The following AMER1 variants were observed in gnomAD, a reference collection of about 807,000 sequenced individuals.
AMER1 encodes APC membrane recruitment protein 1, also known as RP11-403E24.2.
A neutral mutation model predicts 53.0 loss-of-function variants in AMER1; 16 were observed. That is an observed-to-expected ratio of 0.30 (90% CI 0.20 to 0.46). The LOEUF (loss-of-function observed/expected upper bound fraction) is 0.46, where lower values mean the gene tolerates loss of function less well. Ranked by LOEUF, AMER1 falls within the 20% of genes least tolerant of loss-of-function variation. The pLI, the probability that AMER1 is intolerant of heterozygous loss-of-function variation, is 1.00. For synonymous variants in AMER1, 354 were observed against 331.9 expected, an observed-to-expected ratio of 1.07 and a Z score of -0.73; for missense variants, 947 against 884.9, an observed-to-expected ratio of 1.07 and a Z score of -0.89.
chrX:64,186,736 T>C lies in AMER1; in HGVS notation c.*3143A>G. On this transcript the variant is annotated 3_prime_UTR_variant, in exon 2 of 2. Coordinates refer to ENST00000374869, the MANE Select transcript of AMER1 (RefSeq NM_152424.4). Reference sequence around the variant, plus strand: ...GCCTGGTACCCAAGCTGAGGCCAGATAGGTAGGGCTGGCTTGAACTGGGCC... The same window carrying C: ...GCCTGGTACCCAAGCTGAGGCCAGACAGGTAGGGCTGGCTTGAACTGGGCC... 1.3e-6 allele frequency: 1 copy of C among 775,602 alleles called. No individual in the cohort carries two copies. Among genetic ancestry groups the C allele is most frequent in the Non-Finnish European group, 1.5e-6 (1 of 651,691 alleles). The allele number at this position is 775,602 out of a possible 1,213,427, so 63.9% of individuals were successfully genotyped here.
intron 1 of AMER1, 52 bp from the exon 2 acceptor site, chrX:64,193,436 C>T (rs751174846): frequency 3.7e-5 from 33 of 889,817 alleles, no homozygotes; most frequent in Non-Finnish European, 5.0e-5. Context: ...AGTGAGCAAG[C>T]ATCCAGGCTG....
At chrX:64,200,765 G>A (rs1305233170) in intron 1 of AMER1, among the ~76,000 whole-genome samples, 1 of 111,714 alleles carries the variant, frequency 9.0e-6, no homozygotes, top group East Asian at 2.8e-4. Context: ...CAGGACAAAG[G>A]TGCACTGTGG....
At chrX:64,196,256 C>A (rs1040272973) in intron 1 of AMER1, among the ~76,000 whole-genome samples, 13 of 111,840 alleles carry the variant, frequency 1.2e-4, no homozygotes, top group African/African-American at 4.2e-4. Context: ...CCAAGGGACC[C>A]TGAATGGGCC....
At position 64,190,112 on chromosome X, in the gene AMER1, TG is replaced by T. The variant is rs1425853386; in HGVS notation, c.3174del (p.Ser1059ValfsTer71). On this transcript the variant is annotated frameshift_variant, in exon 2 of 2. Coordinates refer to ENST00000374869, the MANE Select transcript of AMER1 (RefSeq NM_152424.4). LOFTEE classifies it high-confidence loss of function. ...AAGCCTCCAGAACTGGAAGAGCAACTGGGCTCATCAACAGGCAGCAGCACAT... is the reference window on the plus strand; with the variant it reads ...AAGCCTCCAGAACTGGAAGAGCAACTGGCTCATCAACAGGCAGCAGCACAT... Reference protein sequence around the residue: ...PRDVLLPVDEPSCSSSSGGFS... With the variant: ...PRDVLLPVDEXSCSSSSGGFS... The T allele has an allele frequency of 8.3e-7, 1 of 1,207,102 alleles. No homozygotes were observed. Among genetic ancestry groups the T allele is most frequent in the Admixed American group, 2.2e-5 (1 of 45,595 alleles).
rs147754688 is a variant in AMER1, at chrX:64,191,350, C to G, written c.1937G>C (p.Arg646Pro). 1.7e-5 allele frequency: 21 copies of G among 1,209,973 alleles called. No individual in the cohort carries two copies. In the African/African-American group the frequency reaches 3.5e-4, roughly 20 times the overall value. Residue 646 changes from arginine to proline, a missense_variant, in exon 2 of 2, where the codon CGG (arginine) becomes CCG (proline). Arg to Pro is a moderately radical substitution (Grantham distance 103, BLOSUM62 -2). Coordinates refer to ENST00000374869, the MANE Select transcript of AMER1 (RefSeq NM_152424.4). ...RETQVRETQA[R>P]QEKPVLEYQM... Reference sequence around the variant, plus strand: ...ATACTCTAAGACGGGCTTCTCCTGCCGGGCCTGGGTCTCTCGGACTTGAGT... The same window carrying G: ...ATACTCTAAGACGGGCTTCTCCTGCGGGGCCTGGGTCTCTCGGACTTGAGT...
In AMER1 at chrX:64,201,448, AACAC is replaced by A. The variant is rs532857666; in HGVS notation, c.-99+4118_-99+4121del. Among the ~76,000 whole-genome samples the A allele has an allele frequency of 8.3e-3, 690 of 83,026 alleles. 7 individuals carry two copies. The highest frequency in any genetic ancestry group is 0.05 in the South Asian group (83 of 1,671). The allele number at this position is 83,026 out of a possible 115,157, so 72.1% of individuals were successfully genotyped here. A position where few individuals can be genotyped will look rare whatever the true frequency, so the allele number is the denominator to read the frequency against. On this transcript the variant is annotated intron_variant, in intron 1 of 1. Coordinates refer to ENST00000374869, the MANE Select transcript of AMER1 (RefSeq NM_152424.4). ...CCAGCTGCTCGCAACTCCTTCCCCC[AACAC>A]ACACACACACACACACACACACACA...
Position 64,189,356 on chromosome X carries a change from C to T in AMER1, c.*523G>A. 9 of 785,484 alleles carry T rather than the reference C, an allele frequency of 1.1e-5. No homozygotes were observed. Among genetic ancestry groups the T allele is most frequent in the Non-Finnish European group, 1.4e-5 (9 of 658,950 alleles). The allele number at this position is 785,484 out of a possible 1,213,427, so 64.7% of individuals were successfully genotyped here. On this transcript the variant is annotated 3_prime_UTR_variant, in exon 2 of 2. Coordinates refer to ENST00000374869, the MANE Select transcript of AMER1 (RefSeq NM_152424.4). ...TTCCCCAAGCGGGAGGCAATGCAGA[C>T]TTGGCTGCTAATCAGTGGTTCATCA...
Position 64,186,309 on chromosome X carries a change from T to C in AMER1, c.*3570A>G, listed in dbSNP as rs150866940. 9.3e-3 allele frequency: 9,676 copies of C among 1,044,177 alleles called. 35 individuals are homozygous for C. The highest frequency in any genetic ancestry group is 0.011 in the Non-Finnish European group (8,606 of 810,318). 86.1% of individuals were successfully genotyped at this position (1,044,177 alleles called of 1,213,427 possible). On this transcript the variant is annotated 3_prime_UTR_variant, in exon 2 of 2. Coordinates refer to ENST00000374869, the MANE Select transcript of AMER1 (RefSeq NM_152424.4). Reference sequence around the variant, plus strand: ...GCAGCAGCAATTTTTGTGTCATCTTTGTTTTGTTTAAAACTGTAAACAGCA... The same window carrying C: ...GCAGCAGCAATTTTTGTGTCATCTTCGTTTTGTTTAAAACTGTAAACAGCA...
chrX:64,186,580 AGCTGCTG>A lies in AMER1; in HGVS notation c.*3292_*3298del, dbSNP rs750326895. The A allele has an allele frequency of 7.6e-3, 5,870 of 774,848 alleles. 26 individuals are homozygous for A. The highest frequency in any genetic ancestry group is 8.1e-3 in the Non-Finnish European group (5,259 of 652,394). 63.9% of individuals were successfully genotyped at this position (774,848 alleles called of 1,213,427 possible). On this transcript the variant is annotated 3_prime_UTR_variant, in exon 2 of 2. Coordinates refer to ENST00000374869, the MANE Select transcript of AMER1 (RefSeq NM_152424.4). ...TGGTGGCACTGGCACAGGTAAGGAA[AGCTGCTG>A]GCAGCAGGATGAAGGGTACACACCC...
In AMER1 at chrX:64,188,014, A is replaced by T; in HGVS notation, c.*1865T>A. Reference sequence around the variant, plus strand: ...GCAGCTTCTACCAGCCAGGTCTGCTATTTGTGAGTAAGGGCACTGGGCCAA... The same window carrying T: ...GCAGCTTCTACCAGCCAGGTCTGCTTTTTGTGAGTAAGGGCACTGGGCCAA... On this transcript the variant is annotated 3_prime_UTR_variant, in exon 2 of 2. Coordinates refer to ENST00000374869, the MANE Select transcript of AMER1 (RefSeq NM_152424.4). The T allele has an allele frequency of 1.3e-6, 1 of 781,401 alleles. No homozygotes were observed. Among genetic ancestry groups the T allele is most frequent in the South Asian group, 6.6e-5 (1 of 15,039 alleles). The allele number at this position is 781,401 out of a possible 1,213,427, so 64.4% of individuals were successfully genotyped here.
chrX:64,193,212 T>C lies in AMER1; in HGVS notation c.75A>G (p.Ala25=). 8.3e-7 allele frequency: 1 copy of C among 1,211,928 alleles called. No homozygotes were observed. Among genetic ancestry groups the C allele is most frequent in the Non-Finnish European group, 1.1e-6 (1 of 895,549 alleles). The change falls in exon 2 of 2, where the codon GCA becomes GCG. Residue 25 remains alanine (A), a synonymous_variant. Transcript: ENST00000374869. The stretch of plus-strand genomic sequence containing the variant: ...CTGCCTTGTTCTTGGCTCCTTTTTC[T>C]GCTGTTTGTTCACGGGTACTCCCAG... ...AASGSTREQT[A]EKGAKNKAAE...
At chrX:64,194,981 G>A (rs1266133668) in intron 1 of AMER1, among the ~76,000 whole-genome samples, 2 of 111,916 alleles carry the variant, frequency 1.8e-5, no homozygotes, top group Non-Finnish European at 3.8e-5. Flanking sequence ...ATAACAGCTG[G>A]TTATCCAGAA....
In AMER1 at chrX:64,192,586, G is replaced by A. The variant is rs764643650; in HGVS notation, c.701C>T (p.Ala234Val). ...PRKENANPQD[A>V]PGPKVSPTPE... is the part of the protein sequence containing the mutation. ...TGTTGGAGAAACTTTTGGCCCAGGG[G>A]CATCTTGGGGGTTAGCATTTTCCTT... The change falls in exon 2 of 2, where the codon GCC becomes GTC. Residue 234 changes from alanine (A) to valine (V), a missense_variant. Coordinates refer to ENST00000374869, the MANE Select transcript of AMER1 (RefSeq NM_152424.4). The A allele has an allele frequency of 8.4e-7, 1 of 1,190,634 alleles. No homozygotes were observed. Among genetic ancestry groups the A allele is most frequent in the South Asian group, 1.9e-5 (1 of 52,108 alleles).
In AMER1 at chrX:64,186,727, G is replaced by A; in HGVS notation, c.*3152C>T. 1 of 776,282 alleles carries A rather than the reference G, an allele frequency of 1.3e-6. No homozygotes were observed. The highest frequency in any genetic ancestry group is 1.5e-6 in the Non-Finnish European group (1 of 651,996). The allele number at this position is 776,282 out of a possible 1,213,427, so 64.0% of individuals were successfully genotyped here. The stretch of plus-strand genomic sequence containing the variant: ...AGTCTTGTGGCCTGGTACCCAAGCT[G>A]AGGCCAGATAGGTAGGGCTGGCTTG... On this transcript the variant is annotated 3_prime_UTR_variant, in exon 2 of 2. Coordinates refer to ENST00000374869, the MANE Select transcript of AMER1 (RefSeq NM_152424.4).
chrX:64,198,887 C>G (rs755862006), intron 1 of AMER1, among the ~76,000 whole-genome samples: 1 of 112,495 alleles, frequency 8.9e-6, no homozygotes, highest in Non-Finnish European at 1.9e-5. Context: ...AACCTGCCAA[C>G]GTGGACAAAG....
chrX:64,203,451 G>C (rs1930533949), intron 1 of AMER1, among the ~76,000 whole-genome samples: 1 of 111,716 alleles, frequency 9.0e-6, no homozygotes, highest in Non-Finnish European at 1.9e-5. Flanking sequence ...AGAGGGTTGT[G>C]GCTGAGGTCC....
In AMER1 at chrX:64,188,070, G is replaced by T; in HGVS notation, c.*1809C>A. ...ATCTGAGAAATGGTGACAAAGACCA[G>T]CATGGACACATCCCCTGGCCAAGAA... On this transcript the variant is annotated 3_prime_UTR_variant, in exon 2 of 2. Coordinates refer to ENST00000374869, the MANE Select transcript of AMER1 (RefSeq NM_152424.4). 1.3e-6 allele frequency: 1 copy of T among 784,847 alleles called. No individual in the cohort carries two copies. The highest frequency in any genetic ancestry group is 1.5e-6 in the Non-Finnish European group (1 of 657,791). The allele number at this position is 784,847 out of a possible 1,213,427, so 64.7% of individuals were successfully genotyped here. A position where few individuals can be genotyped will look rare whatever the true frequency, so the allele number is the denominator to read the frequency against.
chrX:64,201,459 A>G (rs1045588504), intron 1 of AMER1, among the ~76,000 whole-genome samples: 2 of 107,458 alleles, frequency 1.9e-5, no homozygotes, highest in African/African-American at 6.9e-5. Context: ...ACACACACAC[A>G]CACACACACA....
intron 1 of AMER1, among the ~76,000 whole-genome samples, chrX:64,201,727 C>T (rs1808504768): frequency 8.9e-6 from 1 of 112,430 alleles, no homozygotes; most frequent in Non-Finnish European, 1.9e-5. Flanking sequence ...GGGCTGGAAA[C>T]CCCTTCTCCC....
Sources: gnomAD v4.1 joint callset for allele counts (sites outside exome capture counted in the v4.1 genomes callset) on GRCh38, gnomAD v4.1.1 for gene constraint, MANE v1.5 for transcripts, NCBI Gene and HGNC (gene_info 2026-07-23, HGNC 2026-07-21) for gene names.